Variants in ZBTB7C observed in about 807,000 individuals in gnomAD.
ZBTB7C encodes zinc finger and BTB domain-containing protein 7C.
In ZBTB7C, 8 loss-of-function variants were observed where a neutral mutation model predicts 25.7. The ratio of observed to expected loss-of-function variants is 0.31; its 90% CI spans 0.18 to 0.56. The LOEUF is 0.56. Ranked by LOEUF, ZBTB7C falls within the 20% of genes least tolerant of loss-of-function variation. The pLI is 0.91. For missense variants in ZBTB7C, 824 were observed against 855.2 expected (o/e 0.96, Z 0.46); for synonymous variants, 394 against 369.0 (o/e 1.07, Z -0.78).
intron 3 of ZBTB7C, among the ~76,000 whole-genome samples, chr18:48,079,161 C>A (rs1173185563): frequency 6.6e-6 from 1 of 152,140 alleles, no homozygotes; most frequent in Non-Finnish European, 1.5e-5. Context: ...TAAACTGAGG[C>A]CTCAGATGGC....
At chr18:48,347,120 G>GTTT (rs1283425383) in intron 1 of ZBTB7C, among the ~76,000 whole-genome samples, 3 of 106,432 alleles carry the variant, frequency 2.8e-5, no homozygotes, top group African/African-American at 1.1e-4. Flanking sequence ...CCCAGTTTTT[G>GTTT]TTTGTTTTTT....
intron 2 of ZBTB7C, among the ~76,000 whole-genome samples, chr18:48,291,212 A>G (rs1410517067): frequency 6.6e-6 from 1 of 152,174 alleles, no homozygotes; most frequent in Non-Finnish European, 1.5e-5. Flanking sequence ...GAAGCAGCCA[A>G]ACATTTATGG....
chr18:48,133,104 C>T (rs924820876), intron 3 of ZBTB7C, among the ~76,000 whole-genome samples: 9 of 152,212 alleles, frequency 5.9e-5, no homozygotes, highest in African/African-American at 1.2e-4. Context: ...CAGCTTGCTC[C>T]GGGGTTCCTG....
At chr18:48,152,075 T>C (rs1247484280) in intron 3 of ZBTB7C, among the ~76,000 whole-genome samples, 1 of 152,022 alleles carries the variant, frequency 6.6e-6, no homozygotes, top group Non-Finnish European at 1.5e-5. Context: ...AGTCTGAATA[T>C]GGTGGGGAGG....
chr18:48,092,951 C>G (rs963404829), intron 3 of ZBTB7C, among the ~76,000 whole-genome samples: 8 of 152,316 alleles, frequency 5.3e-5, no homozygotes, highest in Non-Finnish European at 8.8e-5. Context: ...TGGTATACTT[C>G]CACTAAACAC....
chr18:48,297,633 C>T (rs1279511780), intron 2 of ZBTB7C, among the ~76,000 whole-genome samples: 2 of 152,218 alleles, frequency 1.3e-5, no homozygotes, highest in African/African-American at 4.8e-5. Flanking sequence ...GGCAGCGCTG[C>T]AGTGCCGGGC....
intron 3 of ZBTB7C, 144 bp from the exon 4 acceptor site, chr18:48,041,267 A>C (rs1003824355): frequency 2.8e-6 from 4 of 1,406,278 alleles, no homozygotes; most frequent in Admixed American, 5.9e-5. Context: ...AGCCTTGCCA[A>C]ATCTCACCTG....
At chr18:48,136,885 G>C in intron 3 of ZBTB7C, 1 of 854,146 alleles carries the variant, frequency 1.2e-6, no homozygotes, top group Non-Finnish European at 1.4e-6. Context: ...GAGAATGCCC[G>C]CAGCGCTCTC....
chr18:48,254,334 A>T (rs1343616867), intron 2 of ZBTB7C, among the ~76,000 whole-genome samples: 2 of 152,206 alleles, frequency 1.3e-5, no homozygotes, highest in African/African-American at 4.8e-5. Context: ...GGAGCAGACA[A>T]GATGGCCCTG....
intron 3 of ZBTB7C, among the ~76,000 whole-genome samples, chr18:48,168,396 T>C (rs1224620723): frequency 6.6e-6 from 1 of 152,206 alleles, no homozygotes; most frequent in Non-Finnish European, 1.5e-5. Context: ...GGGGGAAAAG[T>C]GGTGGATTTG....
chr18:48,255,769 G>T (rs2044004209), intron 2 of ZBTB7C, among the ~76,000 whole-genome samples: 1 of 152,094 alleles, frequency 6.6e-6, no homozygotes. Flanking sequence ...CCCAATTCTA[G>T]ATTGAAAATA....
intron 3 of ZBTB7C, among the ~76,000 whole-genome samples, chr18:48,131,003 A>C (rs1020658590): frequency 6.6e-6 from 1 of 152,290 alleles, no homozygotes; most frequent in African/African-American, 2.4e-5. Flanking sequence ...TCCTGGGTTC[A>C]AGCGATTCTC....
At chr18:48,223,836 A>G (rs547344731) in intron 2 of ZBTB7C, among the ~76,000 whole-genome samples, 1 of 152,306 alleles carries the variant, frequency 6.6e-6, no homozygotes, top group African/African-American at 2.4e-5. Flanking sequence ...CCTAATAGCC[A>G]TTCTCCCCTT....
intron 2 of ZBTB7C, among the ~76,000 whole-genome samples, chr18:48,188,354 T>A (rs1228774633): frequency 6.6e-6 from 1 of 152,214 alleles, no homozygotes; most frequent in Non-Finnish European, 1.5e-5. Context: ...CTTCTTCACA[T>A]AGTGGCAGCA....
rs748884752 is a variant in ZBTB7C at position 48,029,639 on chromosome 18, C to T, written c.1481G>A (p.Gly494Glu). The change falls in exon 5 of 5, where the codon GGG becomes GAG. Residue 494 changes from glycine to glutamate, a missense_variant. Around this residue, in one of 4 missense-constraint regions of ZBTB7C, gnomAD observed 342 missense variants for 307.0 expected, o/e 1.11. Coordinates refer to ENST00000590800, the MANE Select transcript of ZBTB7C (RefSeq NM_001318841.2). ...CTTGTCGGGGGCCGGGCCGCCGGGC[C>T]CGAAGAGCAGGCTGGCGGCCCTCCA... Reference protein sequence around the residue: ...AAWRAASLLFGPGGPAPDKAA... With the variant: ...AAWRAASLLFEPGGPAPDKAA... The T allele has an allele frequency of 1.0e-3, 1,603 of 1,528,940 alleles. No individual in the cohort carries two copies. The highest frequency in any genetic ancestry group is 1.3e-3 in the Admixed American group (61 of 45,458). 94.7% of individuals were successfully genotyped at this position (1,528,940 alleles called of 1,614,324 possible). A position where few individuals can be genotyped will look rare whatever the true frequency, so the allele number is the denominator to read the frequency against.
intron 3 of ZBTB7C, among the ~76,000 whole-genome samples, chr18:48,093,031 A>G (rs1206243484): frequency 6.6e-6 from 1 of 152,212 alleles, no homozygotes; most frequent in Non-Finnish European, 1.5e-5. Flanking sequence ...GCCAGTCAGG[A>G]CCAGGTAATT....
intron 2 of ZBTB7C, among the ~76,000 whole-genome samples, chr18:48,202,652 G>T (rs1024632654): frequency 6.6e-6 from 1 of 152,064 alleles, no homozygotes; most frequent in Non-Finnish European, 1.5e-5. Context: ...GTGTACGGGG[G>T]AAGCTCTTTG....
chr18:48,300,046 A>C (rs2045503845), intron 2 of ZBTB7C, among the ~76,000 whole-genome samples: 1 of 152,158 alleles, frequency 6.6e-6, no homozygotes, highest in South Asian at 2.1e-4. Flanking sequence ...GGTGAAGCCT[A>C]AGATTCTGCA....
chr18:48,168,336 G>A (rs921078681), intron 3 of ZBTB7C, among the ~76,000 whole-genome samples: 1 of 152,212 alleles, frequency 6.6e-6, no homozygotes, highest in Admixed American at 6.5e-5. Flanking sequence ...ACAAATATGT[G>A]GTTGATGTGC....
Sources: allele counts gnomAD v4.1 joint callset (sites outside exome capture counted in the v4.1 genomes callset), GRCh38; gene constraint gnomAD v4.1.1; regional missense constraint gnomAD v4.1.1; transcripts MANE v1.5; gene names NCBI Gene and HGNC (gene_info 2026-07-23, HGNC 2026-07-21).